Variants in ACSS3 observed in about 807,000 individuals in gnomAD.
The protein encoded by ACSS3 is acyl-CoA synthetase short chain family member 3.
In ACSS3, 64 loss-of-function variants were observed where a neutral mutation model predicts 84.2. The ratio of observed to expected loss-of-function variants is 0.76; its 90% CI spans 0.62 to 0.94. ACSS3 has a LOEUF of 0.94. Among genes scored for constraint, ACSS3 ranks in the 40% least tolerant of loss-of-function variants. The pLI is 0.00. For missense variants in ACSS3, 815 were observed against 867.6 expected (o/e 0.94, Z 0.76); for synonymous variants, 317 against 310.1 (o/e 1.02, Z -0.23).
At position 81,216,992 on chromosome 12, in the gene ACSS3, C is replaced by A; in HGVS notation, c.1446C>A (p.Tyr482Ter). 1.9e-6 allele frequency: 3 copies of A among 1,607,210 alleles called. No individual in the cohort carries two copies. The highest frequency in any genetic ancestry group is 1.7e-6 in the Non-Finnish European group (2 of 1,174,754). Reference sequence around the variant, plus strand: ...AAGCAGGAAAAAGCGTCCCAGGATACAATGGTAAGGAATGACCCTGATAAT... The same window carrying A: ...AAGCAGGAAAAAGCGTCCCAGGATAAAATGGTAAGGAATGACCCTGATAAT... ...PGQAGKSVPG[Y>*]NVMILDDNMQ... is the part of the protein sequence containing the mutation. The change falls in exon 10 of 16, where the codon TAC becomes TAA. Residue 482 changes from tyrosine (Y) to a stop codon, truncating the protein, a stop_gained. Coordinates refer to ENST00000548058, the MANE Select transcript of ACSS3 (RefSeq NM_024560.4). LOFTEE classifies it high-confidence loss of function.
intron 13 of ACSS3, 76 bp from the exon 14 acceptor site, chr12:81,253,230 TG>T: frequency 7.0e-7 from 1 of 1,422,316 alleles, no homozygotes. Context: ...TATCTATATC[TG>T]TATCTATATC....
Position 81,254,374 on chromosome 12 carries a change from G to A in ACSS3, c.1996-483G>A, listed in dbSNP as rs12319842. ...AGAAAGCAAAATAATTGAGGCTAGC[G>A]GCAGTAGATGTTTAAAATGCTCTAA... On this transcript the variant is annotated intron_variant, in intron 15 of 15. Transcript: ENST00000548058. 1.8e-3 allele frequency among the ~76,000 whole-genome samples: 275 copies of A among 152,150 alleles called. 3 individuals carry two copies. The highest frequency in any genetic ancestry group is 6.0e-3 in the African/African-American group (250 of 41,522).
At chr12:81,105,437 C>T (rs1437761228) in intron 1 of ACSS3, among the ~76,000 whole-genome samples, 2 of 152,134 alleles carry the variant, frequency 1.3e-5, no homozygotes, top group Non-Finnish European at 1.5e-5. Context: ...AAAGTAAAAT[C>T]ATCTATAAAT....
At chr12:81,151,662 G>T (rs1886615351) in intron 5 of ACSS3, 182 bp from the exon 6 acceptor site, 2 of 514,418 alleles carry the variant, frequency 3.9e-6, no homozygotes, top group Non-Finnish European at 6.8e-6. Context: ...AAATTATTTT[G>T]TGTTGACTAT....
chr12:81,177,216 G>C (rs1018416776), intron 8 of ACSS3, among the ~76,000 whole-genome samples: 1 of 151,792 alleles, frequency 6.6e-6, no homozygotes, highest in African/African-American at 2.4e-5. Context: ...TACTGAACAG[G>C]GAAAAGCTGG....
chr12:81,168,385 C>G (rs1217810495), intron 7 of ACSS3, among the ~76,000 whole-genome samples: 1 of 152,138 alleles, frequency 6.6e-6, no homozygotes, highest in Non-Finnish European at 1.5e-5. Flanking sequence ...GCTATTGACT[C>G]CTCTTCCATA....
intron 1 of ACSS3, among the ~76,000 whole-genome samples, chr12:81,106,020 G>T (rs35580638): frequency 0.056 from 8,488 of 152,226 alleles, 346 homozygotes; most frequent in Middle Eastern, 0.1. Context: ...TGTAAAGTTG[G>T]ATGAGTGGAA....
At chr12:81,138,011 T>C (rs1885898160) in intron 3 of ACSS3, among the ~76,000 whole-genome samples, 1 of 152,160 alleles carries the variant, frequency 6.6e-6, no homozygotes, top group African/African-American at 2.4e-5. Flanking sequence ...TGAGCCTCTG[T>C]TCCATGAATA....
rs1460004471 is a variant in ACSS3 at position 81,257,445 on chromosome 12, A to C, written c.*2523A>C. 2.0e-5 allele frequency: 3 copies of C among 152,186 alleles called. No individual in the cohort carries two copies. The highest frequency in any genetic ancestry group is 7.2e-5 in the African/African-American group (3 of 41,440). 9.4% of individuals were successfully genotyped at this position (152,186 alleles called of 1,614,324 possible). On this transcript the variant is annotated 3_prime_UTR_variant, in exon 16 of 16. Transcript: ENST00000548058. ...ATTAAATGTATCTTTAAAAACAACA[A>C]TATAATATTACTAAAAAATGCAGAC...
chr12:81,252,079 A>G (rs1265419319), intron 13 of ACSS3, among the ~76,000 whole-genome samples: 1 of 152,064 alleles, frequency 6.6e-6, no homozygotes. Flanking sequence ...GTGCCTATGA[A>G]GTCCTTCCCC....
rs751388808 is a variant in ACSS3 at position 81,109,509 on chromosome 12, CAA to C, written c.312-50_312-49del. On this transcript the variant is annotated intron_variant, in intron 1 of 15. Transcript: ENST00000548058. ...GAAATATAATAACTTCATTAAGTGACAATATATTTTTAAAGCCATCATTCACC... is the reference window on the plus strand; with the variant it reads ...GAAATATAATAACTTCATTAAGTGACTATATTTTTAAAGCCATCATTCACC... 5.8e-5 allele frequency: 91 copies of C among 1,567,810 alleles called. No individual in the cohort carries two copies. In the African/African-American group the frequency reaches 1.1e-3, roughly 20 times the overall value.
Position 81,182,240 on chromosome 12 carries a change from A to G in ACSS3, c.1250+7301A>G, listed in dbSNP as rs560599402. ...GCCTTACAGGCCAGGGGAAAATGGC[A>G]TGGTGCTGAAAGGAATAAGAATAAA... is the stretch of plus-strand genomic sequence containing the variant. On this transcript the variant is annotated intron_variant, in intron 8 of 15. Transcript: ENST00000548058. Among the ~76,000 whole-genome samples the G allele has an allele frequency of 2.6e-5, 4 of 152,326 alleles. No homozygotes were observed. In the South Asian group the frequency reaches 8.3e-4, roughly 32 times the overall value.
chr12:81,221,741 G>C (rs1163001670), intron 11 of ACSS3, among the ~76,000 whole-genome samples: 1 of 152,112 alleles, frequency 6.6e-6, no homozygotes, highest in Admixed American at 6.6e-5. Flanking sequence ...AGCAGCAGGG[G>C]AAGAAGGGAA....
At chr12:81,150,884 A>ATT (rs35752984) in intron 5 of ACSS3, among the ~76,000 whole-genome samples, 10 of 151,890 alleles carry the variant, frequency 6.6e-5, no homozygotes, top group South Asian at 2.1e-4. Context: ...ATAAAAAACA[A>ATT]TTTTTTTTGC....
chr12:81,208,233 C>T (rs920699327), intron 9 of ACSS3, among the ~76,000 whole-genome samples: 1 of 152,150 alleles, frequency 6.6e-6, no homozygotes, highest in Non-Finnish European at 1.5e-5. Context: ...ATTCGTAAGT[C>T]TTCCACTCGC....
At chr12:81,153,453 C>T (rs1886715440) in intron 7 of ACSS3, among the ~76,000 whole-genome samples, 2 of 149,924 alleles carry the variant, frequency 1.3e-5, no homozygotes, top group Admixed American at 6.6e-5. Flanking sequence ...GCTAGTCTGA[C>T]AAATAATACA....
chr12:81,184,802 A>G (rs1367536120), intron 8 of ACSS3, among the ~76,000 whole-genome samples: 1 of 151,730 alleles, frequency 6.6e-6, no homozygotes, highest in African/African-American at 2.4e-5. Context: ...GAATTTTACC[A>G]AACATTCAAA....
At chr12:81,163,806 A>G (rs1411152548) in intron 7 of ACSS3, among the ~76,000 whole-genome samples, 1 of 152,188 alleles carries the variant, frequency 6.6e-6, no homozygotes, top group Non-Finnish European at 1.5e-5. Flanking sequence ...AATGGAAAAA[A>G]CTTATAGAAT....
Position 81,109,697 on chromosome 12 carries a change from T to C in ACSS3, c.449T>C (p.Leu150Pro). The C allele has an allele frequency of 6.3e-7, 1 of 1,596,184 alleles. No individual in the cohort carries two copies. The highest frequency in any genetic ancestry group is 8.5e-7 in the Non-Finnish European group (1 of 1,173,754). ...TKATFTYKEV[L>P]EQVSKLAGVL... is the part of the protein sequence containing the mutation. Reference sequence around the variant, plus strand: ...GCAACCTTTACCTATAAAGAAGTTCTGGAGCAGGTAATATCATAAACTTTA... The same window carrying C: ...GCAACCTTTACCTATAAAGAAGTTCCGGAGCAGGTAATATCATAAACTTTA... Residue 150 changes from leucine to proline, a missense_variant, in exon 2 of 16, where the codon CTG becomes CCG. By Grantham distance (98) the Leu-to-Pro change is moderately conservative. Transcript: ENST00000548058.
Sources: gnomAD v4.1 joint callset for allele counts (sites outside exome capture counted in the v4.1 genomes callset) on GRCh38, gnomAD v4.1.1 for gene constraint, MANE v1.5 for transcripts, NCBI Gene and HGNC (gene_info 2026-07-23, HGNC 2026-07-21) for gene names.